The following FAM3B variants were observed in gnomAD, a reference collection of about 807,000 sequenced individuals.
The protein encoded by FAM3B is FAM3 metabolism regulating signaling molecule B.
In FAM3B, 29 loss-of-function variants were observed where a neutral mutation model predicts 28.4. The observed-to-expected ratio is 1.02, with a 90% confidence interval of 0.76 to 1.39. The LOEUF is 1.39. Ranked by LOEUF, FAM3B falls within the 40% of genes most tolerant of loss-of-function variation. The pLI, the probability that FAM3B is intolerant of heterozygous loss-of-function variation, is 0.00. For missense variants in FAM3B, 266 were observed against 293.9 expected (o/e 0.91, Z 0.69); for synonymous variants, 91 against 103.0 (o/e 0.88, Z 0.71).
chr21:41,340,004 A>T (rs529451962), intron 3 of FAM3B, among the ~76,000 whole-genome samples: 1 of 152,242 alleles, frequency 6.6e-6, no homozygotes, highest in Non-Finnish European at 1.5e-5. Context: ...CAGTTTGAGA[A>T]TCAATAGGAG....
At position 41,308,543 on chromosome 21, in the gene FAM3B, T is replaced by C. The variant is rs1344505140; in HGVS notation, n.99+4233T>C. Among the ~76,000 whole-genome samples the C allele has an allele frequency of 2.8e-3, 418 of 147,938 alleles. 1 individual carries two copies. The highest frequency in any genetic ancestry group is 9.5e-3 in the African/African-American group (383 of 40,280). On this transcript the variant is annotated intron_variant and non_coding_transcript_variant, in intron 1 of 9. Coordinates refer to the FAM3B transcript ENST00000479810. ...GTTTTTGTTTTTCTTTTCTTTTTTT[T>C]TTTTTTTTTTTTTGAGACAGAGTTT...
chr21:41,346,051 A>T (rs1348178807), intron 5 of FAM3B: 3 of 243,446 alleles, frequency 1.2e-5, no homozygotes, highest in Non-Finnish European at 2.4e-5. Context: ...AATACATTAT[A>T]TGTAAAATAA....
intron 1 of FAM3B, among the ~76,000 whole-genome samples, chr21:41,311,250 AAATATATATAT>A (rs1490801921): frequency 4.8e-4 from 27 of 55,968 alleles, no homozygotes; most frequent in African/African-American, 1.0e-3. Flanking sequence ...AAAAAAAAAA[AAATATATATAT>A]ATATATATAT....
At chr21:41,353,642 A>G (rs192498337) in intron 7 of FAM3B, among the ~76,000 whole-genome samples, 4 of 152,276 alleles carry the variant, frequency 2.6e-5, no homozygotes, top group Non-Finnish European at 5.9e-5. Flanking sequence ...ACCTCATACC[A>G]TATACAAAAA....
intron 1 of FAM3B, chr21:41,322,621 T>A: frequency 9.8e-6 from 7 of 717,666 alleles, no homozygotes; most frequent in Non-Finnish European, 1.6e-5. Flanking sequence ...ACAAGGTGCT[T>A]GATTAGCTGC....
chr21:41,334,715 C>T (rs2088937427), intron 2 of FAM3B, among the ~76,000 whole-genome samples: 1 of 152,208 alleles, frequency 6.6e-6, no homozygotes, highest in Non-Finnish European at 1.5e-5. Context: ...TCACACTAGT[C>T]CCCACTGGAG....
At chr21:41,311,251 AATATATATATATATATATAT>A (rs1168140562) in intron 1 of FAM3B, among the ~76,000 whole-genome samples, 1,924 of 35,106 alleles carry the variant, frequency 0.055, 99 homozygotes, top group Admixed American at 0.062. Context: ...AAAAAAAAAA[AATATATATATATATATATAT>A]ATATATATAT....
chr21:41,348,290 TGA>T (rs145264784), intron 6 of FAM3B, among the ~76,000 whole-genome samples: 4,441 of 152,314 alleles, frequency 0.029, 79 homozygotes, highest in East Asian at 0.087. Context: ...TTGTATTGGC[TGA>T]GTGTGAGCCT....
rs1405667877 is a variant in FAM3B at position 41,357,727 on chromosome 21, G to T, written c.*530G>T. On this transcript the variant is annotated 3_prime_UTR_variant, in exon 8 of 8. Coordinates refer to ENST00000357985, the MANE Select transcript of FAM3B (RefSeq NM_058186.4). ...ATTCATTCATTCCACAACTCTGGGT[G>T]CCTCCCACGTCTGGCACCGGGGGTA... 6.6e-6 allele frequency among the ~76,000 whole-genome samples: 1 copy of T among 152,154 alleles called. No homozygotes were observed. The highest frequency in any genetic ancestry group is 1.5e-5 in the Non-Finnish European group (1 of 68,028).
chr21:41,317,773 A>G (rs7283900), intron 1 of FAM3B, among the ~76,000 whole-genome samples: 43,457 of 152,034 alleles, frequency 0.29, 6,842 homozygotes, highest in East Asian at 0.68. Flanking sequence ...TCCTGCCAGC[A>G]CCAGCATTCT....
upstream of FAM3B, among the ~76,000 whole-genome samples, chr21:41,316,203 A>C (rs1313371137): frequency 6.6e-6 from 1 of 152,204 alleles, no homozygotes; most frequent in African/African-American, 2.4e-5. Context: ...CTTGGTCATC[A>C]TATCATATAA....
chr21:41,350,549 C>T (rs751759601), intron 7 of FAM3B, among the ~76,000 whole-genome samples: 1 of 152,220 alleles, frequency 6.6e-6, no homozygotes, highest in Non-Finnish European at 1.5e-5. Flanking sequence ...CCCACCAGCC[C>T]ACCCCAAACC....
intron 7 of FAM3B, among the ~76,000 whole-genome samples, chr21:41,351,802 G>A (rs1202819118): frequency 3.9e-5 from 6 of 152,180 alleles, no homozygotes; most frequent in African/African-American, 1.4e-4. Context: ...AAAGTATAAG[G>A]AACTTCAAAG....
intron 1 of FAM3B, among the ~76,000 whole-genome samples, chr21:41,310,524 GGT>G (rs2088703343): frequency 1.3e-5 from 2 of 152,184 alleles, no homozygotes; most frequent in African/African-American, 4.8e-5. Context: ...AGATCTAGTA[GGT>G]GCTTCATCCA....
intron 3 of FAM3B, among the ~76,000 whole-genome samples, chr21:41,338,889 G>A (rs1191598383): frequency 2.6e-5 from 4 of 152,178 alleles, no homozygotes; most frequent in Non-Finnish European, 5.9e-5. Context: ...GAGAGCCTCA[G>A]GGGTGTTCGG....
At chr21:41,330,185 C>A (rs1413913558) in intron 2 of FAM3B, among the ~76,000 whole-genome samples, 1 of 142,258 alleles carries the variant, frequency 7.0e-6, no homozygotes, top group African/African-American at 2.6e-5. Flanking sequence ...AATCTGAAAA[C>A]ACACAATCTG....
intron 7 of FAM3B, among the ~76,000 whole-genome samples, chr21:41,351,452 T>G (rs1034334522): frequency 6.6e-6 from 1 of 152,180 alleles, no homozygotes; most frequent in Non-Finnish European, 1.5e-5. Context: ...CTAGAGGTTC[T>G]GTGGTTTGGG....
chr21:41,344,623 G>A (rs914505550), intron 4 of FAM3B, 89 bp downstream of exon 4: 38 of 996,712 alleles, frequency 3.8e-5, no homozygotes, highest in African/African-American at 8.1e-5. Context: ...ACTTTTGCGC[G>A]TGATTTAGTC....
intron 1 of FAM3B, among the ~76,000 whole-genome samples, chr21:41,305,057 C>A (rs1350356921): frequency 6.6e-6 from 1 of 152,120 alleles, no homozygotes; most frequent in East Asian, 1.9e-4. Context: ...CTTTATTTGA[C>A]CACGTATATT....
Sources: allele counts gnomAD v4.1 joint callset (sites outside exome capture counted in the v4.1 genomes callset), GRCh38; gene constraint gnomAD v4.1.1; transcripts MANE v1.5; gene names NCBI Gene and HGNC (gene_info 2026-07-23, HGNC 2026-07-21).